Variants in NTRK1 observed in about 807,000 individuals in gnomAD.
NTRK1 encodes the protein neurotrophic receptor tyrosine kinase 1.
A neutral mutation model predicts 86.8 loss-of-function variants in NTRK1; 62 were observed. That is an observed-to-expected ratio of 0.71 (90% CI 0.58 to 0.88). The LOEUF is 0.88. NTRK1 is among the 40% of genes least tolerant of loss of function. The probability of loss-of-function intolerance (pLI) is 0.00; values close to 1 mark genes in which losing one functional copy is unlikely to be tolerated. For synonymous variants in NTRK1, 469 were observed against 456.6 expected (o/e 1.03, Z -0.35); for missense variants, 967 against 1,078.4 (o/e 0.90, Z 1.45).
intron 3 of NTRK1, among the ~76,000 whole-genome samples, chr1:156,866,242 A>C (rs1558098889): frequency 6.6e-6 from 1 of 152,242 alleles, no homozygotes; most frequent in Non-Finnish European, 1.5e-5. Context: ...CCTCAGAGGC[A>C]GAGGGTCCCA....
rs577123952 is a variant in NTRK1, at chr1:156,854,596, A to G, written c.51-9758A>G. ...CATTCTTGCAGTCAGGCTCCCAACGACTGCAAGCGACTCCCAGCGACTTCA... is the reference window on the plus strand; with the variant it reads ...CATTCTTGCAGTCAGGCTCCCAACGGCTGCAAGCGACTCCCAGCGACTTCA... On this transcript the variant is annotated intron_variant, in intron 2 of 16. Coordinates refer to the NTRK1 transcript ENST00000392302. This position sits in a 1 kb window ranked among gnomAD's most constrained non-coding sequence, Gnocchi z 4.2. Among the ~76,000 whole-genome samples, 10 of 152,122 alleles carry G rather than the reference A, an allele frequency of 6.6e-5. No individual in the cohort carries two copies. Among genetic ancestry groups the G allele is most frequent in the Admixed American group, 6.5e-5 (1 of 15,278 alleles).
chr1:156,874,710 G>C (rs2102910827), intron 10 of NTRK1, 84 bp downstream of exon 10: 1 of 1,439,332 alleles, frequency 6.9e-7, no homozygotes, highest in Non-Finnish European at 9.6e-7. Context: ...TCTGGTCAGA[G>C]CAGGGAGATC....
rs553906149 is a variant in NTRK1 at position 156,823,053 on chromosome 1, T to C, written c.-64+7215T>C. On this transcript the variant is annotated intron_variant, in intron 1 of 16. Coordinates refer to the NTRK1 transcript ENST00000392302. ...GTGGAAGTTGCTGCTACCAGTTGAA[T>C]GGAATTCTTACTGTGTCATCTGGTA... Among the ~76,000 whole-genome samples the C allele has an allele frequency of 5.3e-5, 8 of 152,342 alleles. No homozygotes were observed. The South Asian group carries it at 1.7e-3, about 32-fold the overall frequency.
chr1:156,816,784 A>C, intron 1 of NTRK1: 1 of 1,362,890 alleles, frequency 7.3e-7, no homozygotes, highest in Non-Finnish European at 9.9e-7. Context: ...TCAGCAACTC[A>C]TCATCTCTCC....
chr1:156,861,230 C>T, intron 1 of NTRK1, 84 bp downstream of exon 1: 1 of 1,461,650 alleles, frequency 6.8e-7, no homozygotes, highest in East Asian at 2.5e-5. Context: ...TGCTTGTTTG[C>T]TGGTCAGGCA....
intron 16 of NTRK1, 153 bp downstream of exon 16, chr1:156,880,310 C>T: frequency 2.7e-6 from 2 of 753,006 alleles, no homozygotes; most frequent in Admixed American, 2.4e-5. Flanking sequence ...GTCCCCTCCA[C>T]TGTGGCCCTT....
chr1:156,875,766 C>A (rs1647868219), intron 12 of NTRK1, 100 bp downstream of exon 12: 1 of 1,495,240 alleles, frequency 6.7e-7, no homozygotes, highest in Non-Finnish European at 9.1e-7. Context: ...CGATCCCTCC[C>A]TTTCTCCCAC....
At chr1:156,840,107 A>C (rs1328682419) in intron 1 of NTRK1, 1 of 94,700 alleles carries the variant, frequency 1.1e-5, no homozygotes, top group Non-Finnish European at 2.0e-5. Context: ...CAGTCTTCCC[A>C]TGAGAGGCAG....
chr1:156,863,165 C>T (rs1177922598), intron 1 of NTRK1, among the ~76,000 whole-genome samples: 1 of 152,128 alleles, frequency 6.6e-6, no homozygotes, highest in East Asian at 1.9e-4. Context: ...TAGGCAGGCC[C>T]CAGGGCGTCA....
upstream of NTRK1, among the ~76,000 whole-genome samples, chr1:156,857,416 G>A (rs1254453449): frequency 6.6e-6 from 1 of 152,304 alleles, no homozygotes; most frequent in East Asian, 1.9e-4. Flanking sequence ...AACCTTCACA[G>A]TTTAACCCCT....
In NTRK1 at chr1:156,864,338, TC is replaced by T; in HGVS notation, c.213-14del. The T allele has an allele frequency of 6.2e-7, 1 of 1,614,034 alleles. No homozygotes were observed. Among genetic ancestry groups the T allele is most frequent in the African/African-American group, 1.3e-5 (1 of 75,036 alleles). On this transcript the variant is annotated splice_polypyrimidine_tract_variant and intron_variant, in intron 1 of 16. Transcript: ENST00000524377. ...GTGGGCCTGAGCCCTGTGACTCCCA[TC>T]CGCTCTCCCCACAGCTACATCGAGA... is the stretch of plus-strand genomic sequence containing the variant.
chr1:156,861,846 A>C (rs561989461), intron 1 of NTRK1, among the ~76,000 whole-genome samples: 13 of 152,262 alleles, frequency 8.5e-5, no homozygotes, highest in African/African-American at 3.1e-4. Flanking sequence ...CCTTTGGTAC[A>C]CGAAGCTGGG....
chr1:156,867,100 G>A (rs961917007), intron 4 of NTRK1, 122 bp downstream of exon 4: 1 of 1,020,222 alleles, frequency 9.8e-7, no homozygotes, highest in Non-Finnish European at 1.5e-6. Flanking sequence ...TCTCTTTGGG[G>A]ACTATGTGCA....
At chr1:156,858,579 C>T (rs1363859708), upstream of NTRK1, 7 of 1,614,080 alleles carry the variant, frequency 4.3e-6, no homozygotes, top group Non-Finnish European at 5.9e-6. Context: ...AGGAAGATCA[C>T]AGGCAGGCAT....
chr1:156,849,363 C>T (rs567958070), intron 2 of NTRK1: 49 of 1,613,912 alleles, frequency 3.0e-5, no homozygotes, highest in Admixed American at 1.7e-5. Flanking sequence ...GGGTTGAAGG[C>T]GAAGTAGATC....
chr1:156,876,612 C>T, intron 14 of NTRK1, 40 bp downstream of exon 14: 2 of 1,584,100 alleles, frequency 1.3e-6, no homozygotes, highest in Non-Finnish European at 1.7e-6. Flanking sequence ...CGGCCCCTGG[C>T]TCTGGGCCCC....
chr1:156,879,124 C>G lies in NTRK1; in HGVS notation c.1808C>G (p.Ser603Cys), dbSNP rs188270548. 96 of 1,613,804 alleles carry G rather than the reference C, an allele frequency of 5.9e-5. No individual in the cohort carries two copies. In the Middle Eastern group the frequency reaches 8.5e-4, roughly 14 times the overall value. The change falls in exon 15 of 17, where the codon TCC (serine) becomes TGC (cysteine). Residue 603 changes from serine to cysteine, a missense_variant and splice_region_variant. Physicochemically the swap from Ser to Cys is moderately radical, Grantham distance 112. This residue lies in a region of NTRK1 where 637 missense variants were observed against 776.5 expected (regional missense o/e 0.82). Transcript: ENST00000524377. ...RHGDLNRFLR[S>C]HGPDAKLLAG... ...CCCTCTCCTTTTCTTGTTCACAGAT[C>G]CCATGGACCTGATGCCAAGCTGCTG...
chr1:156,861,269 C>A (rs1004767703), intron 1 of NTRK1, 123 bp downstream of exon 1: 7 of 1,103,698 alleles, frequency 6.3e-6, no homozygotes, highest in Non-Finnish European at 7.3e-6. Flanking sequence ...GCTGGCACCA[C>A]GCAGCCTTCG....
chr1:156,816,758 G>A (rs369225784), intron 1 of NTRK1: 11 of 1,527,738 alleles, frequency 7.2e-6, no homozygotes, highest in Admixed American at 4.0e-5. Context: ...TATGTGTTCC[G>A]GAAAGGTGTG....
Sources: allele counts gnomAD v4.1 joint callset (sites outside exome capture counted in the v4.1 genomes callset), GRCh38; gene constraint gnomAD v4.1.1; regional missense constraint gnomAD v4.1.1; non-coding constraint Gnocchi (gnomAD v3.1); transcripts MANE v1.5; gene names NCBI Gene and HGNC (gene_info 2026-07-23, HGNC 2026-07-21).